UBP1: variants seen among roughly 807,000 people sequenced by gnomAD.
UBP1 encodes the protein upstream-binding protein 1.
In UBP1, 22 loss-of-function variants were observed where a neutral mutation model predicts 76.1. The observed-to-expected ratio is 0.29, with a 90% CI of 0.21 to 0.41. The LOEUF is 0.41. UBP1 is among the 10% of genes least tolerant of loss of function. UBP1 has a pLI of 1.00. For synonymous variants in UBP1, 224 were observed against 237.1 expected (o/e 0.94, Z 0.51); for missense variants, 436 against 668.1 (o/e 0.65, Z 3.83).
At chr3:33,396,096 C>T (rs1218518104) in intron 13 of UBP1, 66 bp downstream of exon 13, 27 of 1,397,992 alleles carry the variant, frequency 1.9e-5, no homozygotes, top group South Asian at 3.0e-5. Flanking sequence ...CCTGCTCAAT[C>T]GAGTCCTTTC....
chr3:33,399,789 G>C (rs2044151879), intron 11 of UBP1, among the ~76,000 whole-genome samples: 1 of 152,100 alleles, frequency 6.6e-6, no homozygotes, highest in South Asian at 2.1e-4. Context: ...CAGTTTCCTG[G>C]TTTTGCTATT....
In UBP1 at chr3:33,409,448, C is replaced by A. The variant is rs771990042; in HGVS notation, c.708+1G>T. 1 of 1,614,096 alleles carries A rather than the reference C, an allele frequency of 6.2e-7. No individual in the cohort carries two copies. Among genetic ancestry groups the A allele is most frequent in the South Asian group, 1.1e-5 (1 of 91,082 alleles). On this transcript the variant is annotated splice_donor_variant, in intron 6 of 15. Transcript: ENST00000283629. LOFTEE classifies it high-confidence loss of function. ...CAGAAAACCCGGGTTCTCTGTCTTA[C>A]CTTAAAAACTTTGATTTGGCAGCTA...
chr3:33,415,816 A>C (rs1257864585), intron 3 of UBP1, among the ~76,000 whole-genome samples: 2 of 152,098 alleles, frequency 1.3e-5, no homozygotes, highest in Non-Finnish European at 2.9e-5. Context: ...CACATTGCTG[A>C]ATATGTTCTG....
chr3:33,392,502 T>TA, intron 15 of UBP1, 61 bp downstream of exon 15: 1 of 1,434,170 alleles, frequency 7.0e-7, no homozygotes, highest in Non-Finnish European at 9.6e-7. Flanking sequence ...AGGCACTAAT[T>TA]AGAGGCACAC....
chr3:33,426,001 ATATATATAT>A (rs1559690448), intron 1 of UBP1, among the ~76,000 whole-genome samples: 23 of 49,520 alleles, frequency 4.6e-4, no homozygotes, highest in African/African-American at 1.5e-3. Flanking sequence ...CTCTGAATAT[ATATATATAT>A]ATATATATAT....
In UBP1 at chr3:33,425,695, G is replaced by T; in HGVS notation, c.160C>A (p.Pro54Thr). 6.3e-7 allele frequency: 1 copy of T among 1,599,852 alleles called. No homozygotes were observed. Among genetic ancestry groups the T allele is most frequent in the Non-Finnish European group, 8.6e-7 (1 of 1,168,994 alleles). ...PIFKQEDSSL[P>T]LDGETEHPPF... ...GGGTGCTCTGTTTCACCATCCAATGGAAGGCTGGAATCTTCCTGCTTGAAA... is the reference window on the plus strand; with the variant it reads ...GGGTGCTCTGTTTCACCATCCAATGTAAGGCTGGAATCTTCCTGCTTGAAA... The change falls in exon 2 of 16, where the codon CCA becomes ACA. Residue 54 changes from proline (P) to threonine (T), a missense_variant. Physicochemically the swap from Pro to Thr is conservative, Grantham distance 38. Around this residue, in one of 3 missense-constraint regions of UBP1, gnomAD observed 161 missense variants for 237.9 expected, o/e 0.68. Transcript: ENST00000283629.
intron 8 of UBP1, among the ~76,000 whole-genome samples, chr3:33,404,018 GTAGCCCAGGA>G (rs200508920): frequency 0.013 from 1,954 of 152,292 alleles, 40 homozygotes; most frequent in African/African-American, 0.044. Flanking sequence ...GGCCAAGGCG[GTAGCCCAGGA>G]TAGCCCAGGA....
intron 8 of UBP1, among the ~76,000 whole-genome samples, chr3:33,404,397 G>A (rs1012375152): frequency 4.6e-5 from 7 of 151,892 alleles, no homozygotes; most frequent in Non-Finnish European, 8.8e-5. Context: ...GGGTGACAGA[G>A]CGAGATTCCA....
At chr3:33,395,260 A>G (rs1268437605) in intron 13 of UBP1, among the ~76,000 whole-genome samples, 2 of 152,104 alleles carry the variant, frequency 1.3e-5, no homozygotes, top group Admixed American at 1.3e-4. Context: ...AATTCAAACC[A>G]CAAGACATTT....
At chr3:33,398,772 G>C (rs1199667855) in intron 11 of UBP1, among the ~76,000 whole-genome samples, 5 of 152,184 alleles carry the variant, frequency 3.3e-5, no homozygotes. Flanking sequence ...GAGTAATGTG[G>C]GGCCTCCTTC....
chr3:33,423,853 T>A lies in UBP1; in HGVS notation c.265+1737A>T, dbSNP rs564975807. On this transcript the variant is annotated intron_variant, in intron 2 of 15. Coordinates refer to ENST00000283629, the MANE Select transcript of UBP1 (RefSeq NM_014517.5). ...TGCACAGTATCAATTAATGTCAGTC[T>A]ACTATATCACTACTACAGATGGTGG... is the stretch of plus-strand genomic sequence containing the variant. Among the ~76,000 whole-genome samples, 31 of 152,380 alleles carry A rather than the reference T, an allele frequency of 2.0e-4. 1 individual carries two copies. The East Asian group carries it at 5.6e-3, about 27-fold the overall frequency.
At chr3:33,410,171 A>G (rs374944773) in intron 5 of UBP1, among the ~76,000 whole-genome samples, 1 of 152,206 alleles carries the variant, frequency 6.6e-6, no homozygotes, top group South Asian at 2.1e-4. Flanking sequence ...TTCAAAGTCC[A>G]TTCAGGATCC....
At chr3:33,428,181 C>CAAAAAA (rs59049122) in intron 1 of UBP1, among the ~76,000 whole-genome samples, 50 of 57,028 alleles carry the variant, frequency 8.8e-4, no homozygotes, top group Non-Finnish European at 1.0e-3. Flanking sequence ...GATTCCATCT[C>CAAAAAA]AAAAAAAAAA....
intron 13 of UBP1, among the ~76,000 whole-genome samples, chr3:33,393,854 A>G (rs1427865667): frequency 6.6e-6 from 1 of 152,212 alleles, no homozygotes; most frequent in Non-Finnish European, 1.5e-5. Context: ...AATTTTGACA[A>G]TGGCTGCCAA....
chr3:33,396,917 T>G, intron 12 of UBP1, 128 bp downstream of exon 12: 1 of 839,180 alleles, frequency 1.2e-6, no homozygotes, highest in Non-Finnish European at 2.0e-6. Context: ...GTGAGCACAA[T>G]GCTGCCAATG....
chr3:33,420,708 C>T (rs1039085382), intron 2 of UBP1, among the ~76,000 whole-genome samples: 6 of 152,230 alleles, frequency 3.9e-5, no homozygotes, highest in African/African-American at 4.8e-5. Context: ...AGGATGATCT[C>T]GATCTCTCGA....
At chr3:33,432,366 A>T (rs569054524) in intron 1 of UBP1, among the ~76,000 whole-genome samples, 55 of 152,278 alleles carry the variant, frequency 3.6e-4, no homozygotes, top group Admixed American at 8.5e-4. Context: ...ATTTAAAAAA[A>T]TTTTTTGGTT....
At chr3:33,393,483 A>G in intron 13 of UBP1, 29 bp from the exon 14 acceptor site, 1 of 1,585,510 alleles carries the variant, frequency 6.3e-7, no homozygotes. Flanking sequence ...AAAGAAAAGC[A>G]TTTTAACAGT....
rs540814005 is a variant in UBP1, at chr3:33,393,163, A to G, written c.1533+149T>C. 1.7e-4 allele frequency: 155 copies of G among 893,594 alleles called. No homozygotes were observed. The East Asian group carries it at 4.2e-3, about 24-fold the overall frequency. The allele number at this position is 893,594 out of a possible 1,614,324, so 55.4% of individuals were successfully genotyped here. On this transcript the variant is annotated intron_variant, in intron 14 of 15. Coordinates refer to ENST00000283629, the MANE Select transcript of UBP1 (RefSeq NM_014517.5). ...ACTAGGATGCCTGAAACTCTTGGTT[A>G]TAAGTTCTTCCAAAGTGATTCCCAA...
Sources: allele counts gnomAD v4.1 joint callset (sites outside exome capture counted in the v4.1 genomes callset), GRCh38; gene constraint gnomAD v4.1.1; regional missense constraint gnomAD v4.1.1; transcripts MANE v1.5; gene names NCBI Gene and HGNC (gene_info 2026-07-23, HGNC 2026-07-21).